The following DNAI4 variants were observed in gnomAD, a reference collection of about 807,000 sequenced individuals.
The protein encoded by DNAI4 is WD repeat domain 78.
Under a neutral mutation model 105.8 loss-of-function variants are expected in DNAI4, and 85 were observed. The ratio of observed to expected loss-of-function variants is 0.80; its 90% CI spans 0.67 to 0.96. The LOEUF is 0.96. Ranked by LOEUF, DNAI4 falls within the 40% of genes least tolerant of loss-of-function variation. The pLI is 0.00. For synonymous variants in DNAI4, 352 were observed against 331.5 expected (o/e 1.06, Z -0.67); for missense variants, 1,014 against 1,005.6 (o/e 1.01, Z -0.11).
In DNAI4 at chr1:66,847,569, C is replaced by G; in HGVS notation, c.1206G>C (p.Gln402His). The change falls in exon 8 of 17, where the codon CAG becomes CAC. Residue 402 changes from glutamine to histidine, a missense_variant. Gln to His is a conservative substitution (Grantham distance 24). Transcript: ENST00000371026. ...DAILKSDKFH[Q>H]DLFFMERVLM... is the part of the protein sequence containing the mutation. ...GAACCCGTTCCATAAAAAATAAGTC[C>G]TGATGAAATTTGTCAGATTTTAATA... The G allele has an allele frequency of 6.2e-7, 1 of 1,613,870 alleles. No individual in the cohort carries two copies. The highest frequency in any genetic ancestry group is 8.5e-7 in the Non-Finnish European group (1 of 1,179,936).
At chr1:66,861,037 G>T (rs1270005972) in intron 7 of DNAI4, among the ~76,000 whole-genome samples, 1 of 152,006 alleles carries the variant, frequency 6.6e-6, no homozygotes, top group Non-Finnish European at 1.5e-5. Flanking sequence ...GCCACTTATT[G>T]AAAGTTAAGA....
chr1:66,831,280 T>C (rs1645861716), intron 13 of DNAI4, among the ~76,000 whole-genome samples: 2 of 152,088 alleles, frequency 1.3e-5, no homozygotes, highest in South Asian at 4.1e-4. Flanking sequence ...GAAAATTCTT[T>C]CTAAAAGGAA....
At chr1:66,920,019 A>T (rs764848636) in intron 1 of DNAI4, among the ~76,000 whole-genome samples, 1 of 152,228 alleles carries the variant, frequency 6.6e-6, no homozygotes, top group Non-Finnish European at 1.5e-5. Context: ...TCAAGCCTGG[A>T]ATCATGGCCC....
chr1:66,859,676 G>A lies in DNAI4; in HGVS notation c.1096+2471C>T, dbSNP rs763380315. Among the ~76,000 whole-genome samples, 19 of 152,062 alleles carry A rather than the reference G, an allele frequency of 1.2e-4. No homozygotes were observed. In the East Asian group the frequency reaches 2.5e-3, roughly 20 times the overall value. Reference sequence around the variant, plus strand: ...CATAGAGGAGGCTTAAGTGCATATCGTTTAGTAAAAGGAGCCAGTCTCAGA... The same window carrying A: ...CATAGAGGAGGCTTAAGTGCATATCATTTAGTAAAAGGAGCCAGTCTCAGA... On this transcript the variant is annotated intron_variant, in intron 7 of 16. Transcript: ENST00000371026.
At chr1:66,882,353 G>A (rs1647091164) in intron 4 of DNAI4, among the ~76,000 whole-genome samples, 1 of 152,130 alleles carries the variant, frequency 6.6e-6, no homozygotes, top group Non-Finnish European at 1.5e-5. Flanking sequence ...TTTATGGATT[G>A]TGCTTTTGGT....
chr1:66,843,504 T>A (rs552596121), intron 8 of DNAI4, among the ~76,000 whole-genome samples: 8 of 152,334 alleles, frequency 5.3e-5, no homozygotes, highest in South Asian at 2.1e-4. Flanking sequence ...CTCTTGACAG[T>A]GTCTTTTGCA....
At chr1:66,837,468 CATCAT>C in intron 10 of DNAI4, 1 of 360,742 alleles carries the variant, frequency 2.8e-6, no homozygotes, top group African/African-American at 2.1e-5. Flanking sequence ...AACTCTTCAT[CATCAT>C]ATATAACAGC....
intron 1 of DNAI4, among the ~76,000 whole-genome samples, chr1:66,909,967 T>C (rs906750383): frequency 2.6e-5 from 4 of 152,206 alleles, no homozygotes; most frequent in African/African-American, 7.2e-5. Context: ...TCTTGGATTA[T>C]TGCAATAGCC....
chr1:66,826,956 C>G lies in DNAI4; in HGVS notation c.2203G>C (p.Glu735Gln), dbSNP rs145334513. The G allele has an allele frequency of 1.5e-5, 25 of 1,613,986 alleles. No homozygotes were observed. The highest frequency in any genetic ancestry group is 1.9e-5 in the Non-Finnish European group (23 of 1,180,032). Reference protein sequence around the residue: ...ADWGVIIWQQENVKPSLSFYP... With the variant: ...ADWGVIIWQQQNVKPSLSFYP... ...AAACTCAAAGATGGCTTGACATTCT[C>G]CTGTTGCCATATAATAACACCCCAA... Residue 735 changes from glutamate (E) to glutamine (Q), a missense_variant, in exon 15 of 17, where the codon GAG (glutamate) becomes CAG (glutamine). By Grantham distance (29) the Glu-to-Gln change is conservative (BLOSUM62 2). Coordinates refer to ENST00000371026, the MANE Select transcript of DNAI4 (RefSeq NM_024763.5).
chr1:66,823,004 C>T (rs1645666092), intron 15 of DNAI4, among the ~76,000 whole-genome samples: 1 of 151,978 alleles, frequency 6.6e-6, no homozygotes, highest in African/African-American at 2.4e-5. Flanking sequence ...GTGCGCTGCA[C>T]CCACTAACTC....
chr1:66,814,354 A>G (rs1412092713), intron 16 of DNAI4, among the ~76,000 whole-genome samples, 174 bp from the exon 17 acceptor site: 1 of 152,028 alleles, frequency 6.6e-6, no homozygotes, highest in African/African-American at 2.4e-5. Flanking sequence ...CCTAGTATAA[A>G]CCTACTCTTT....
At position 66,906,464 on chromosome 1, in the gene DNAI4, A is replaced by C. The variant is rs1649258195; in HGVS notation, c.171-1089T>G. Among the ~76,000 whole-genome samples the C allele has an allele frequency of 3.3e-5, 5 of 152,212 alleles. No homozygotes were observed. The South Asian group carries it at 1.0e-3, about 32-fold the overall frequency. Reference sequence around the variant, plus strand: ...TTTAAATCATAAAAAATCTGACAAGAATAAAATATTTTTAAATAACGATCA... The same window carrying C: ...TTTAAATCATAAAAAATCTGACAAGCATAAAATATTTTTAAATAACGATCA... On this transcript the variant is annotated intron_variant, in intron 1 of 16. Coordinates refer to ENST00000371026, the MANE Select transcript of DNAI4 (RefSeq NM_024763.5).
chr1:66,835,815 T>C, intron 10 of DNAI4, 38 bp from the exon 11 acceptor site: 3 of 1,588,420 alleles, frequency 1.9e-6, no homozygotes, highest in Non-Finnish European at 2.6e-6. Flanking sequence ...TTTGTTTTTG[T>C]AGACCACAGT....
chr1:66,870,621 G>A (rs187268241), intron 6 of DNAI4, among the ~76,000 whole-genome samples: 3 of 148,098 alleles, frequency 2.0e-5, no homozygotes, highest in Admixed American at 6.8e-5. Context: ...ATGATGGCAG[G>A]TGCCTGTAAT....
At chr1:66,900,316 G>A (rs969936190) in intron 2 of DNAI4, among the ~76,000 whole-genome samples, 2 of 152,116 alleles carry the variant, frequency 1.3e-5, no homozygotes, top group Non-Finnish European at 2.9e-5. Flanking sequence ...GTTCAGGGTG[G>A]TCTCGAACTC....
chr1:66,869,728 G>C (rs1164746328), intron 6 of DNAI4, among the ~76,000 whole-genome samples: 1 of 152,140 alleles, frequency 6.6e-6, no homozygotes, highest in Admixed American at 6.5e-5. Context: ...TAGATGTGCA[G>C]CAACAATGAG....
chr1:66,876,228 C>T (rs1194868672), intron 4 of DNAI4, among the ~76,000 whole-genome samples: 1 of 151,894 alleles, frequency 6.6e-6, no homozygotes, highest in African/African-American at 2.4e-5. Context: ...GTAGTCCAAA[C>T]TTTTTGTCAA....
intron 7 of DNAI4, among the ~76,000 whole-genome samples, chr1:66,854,084 G>A (rs1378581394): frequency 1.3e-5 from 2 of 152,048 alleles, no homozygotes; most frequent in African/African-American, 4.8e-5. Flanking sequence ...ATAAACAGGT[G>A]GACACCAAAT....
In DNAI4 at chr1:66,827,925, A is replaced by G; in HGVS notation, c.2014-15T>C. On this transcript the variant is annotated splice_polypyrimidine_tract_variant and intron_variant, in intron 13 of 16. Transcript: ENST00000371026. ...ATATTTGTGTCCTACAACACAAAAC[A>G]TCGAAATGCATTGGCTTGTGATACA... 1 of 1,484,564 alleles carries G rather than the reference A, an allele frequency of 6.7e-7. No homozygotes were observed. Among genetic ancestry groups the G allele is most frequent in the Middle Eastern group, 1.7e-4 (1 of 5,732 alleles). The allele number at this position is 1,484,564 out of a possible 1,614,324, so 92.0% of individuals were successfully genotyped here. A position where few individuals can be genotyped will look rare whatever the true frequency, so the allele number is the denominator to read the frequency against.
Sources: gnomAD v4.1 joint callset for allele counts (sites outside exome capture counted in the v4.1 genomes callset) on GRCh38, gnomAD v4.1.1 for gene constraint, MANE v1.5 for transcripts, NCBI Gene and HGNC (gene_info 2026-07-23, HGNC 2026-07-21) for gene names.